Variants in COL8A1 observed in about 807,000 individuals in gnomAD.
COL8A1 encodes the protein collagen type VIII alpha 1 chain, also known as collagen alpha-1(VIII) chain.
In COL8A1, 21 loss-of-function variants were observed where a neutral mutation model predicts 42.7. The observed-to-expected ratio is 0.49, with a 90% CI of 0.35 to 0.71. COL8A1 has a LOEUF of 0.71. COL8A1 is among the 30% of genes least tolerant of loss of function. The pLI is 0.01. For missense variants in COL8A1, 788 were observed against 962.4 expected (o/e 0.82, Z 2.40); for synonymous variants, 367 against 369.1 (o/e 0.99, Z 0.06).
chr3:99,738,822 C>T (rs571681076), intron 1 of COL8A1, among the ~76,000 whole-genome samples: 1 of 152,332 alleles, frequency 6.6e-6, no homozygotes, highest in Admixed American at 6.5e-5. Context: ...CCTCCCCCAG[C>T]CTCGCTGCTG....
intron 1 of COL8A1, among the ~76,000 whole-genome samples, chr3:99,701,366 A>G (rs1042071848): frequency 6.6e-6 from 1 of 152,220 alleles, no homozygotes; most frequent in Non-Finnish European, 1.5e-5. Context: ...GGGTGGTCAC[A>G]GTACAAACTT....
intron 2 of COL8A1, among the ~76,000 whole-genome samples, chr3:99,778,231 G>GACA (rs373706494): frequency 6.6e-6 from 1 of 152,104 alleles, no homozygotes; most frequent in African/African-American, 2.4e-5. Flanking sequence ...CATGATTAAA[G>GACA]ACAACAACAA....
intron 1 of COL8A1, among the ~76,000 whole-genome samples, chr3:99,722,187 A>G (rs1335258777): frequency 6.6e-6 from 1 of 152,144 alleles, no homozygotes; most frequent in African/African-American, 2.4e-5. Flanking sequence ...CAAAAGGCTC[A>G]TTTTGTTACC....
chr3:99,727,694 A>G (rs1940376079), intron 1 of COL8A1, among the ~76,000 whole-genome samples: 1 of 152,066 alleles, frequency 6.6e-6, no homozygotes, highest in Non-Finnish European at 1.5e-5. Context: ...ACAAAAAAAG[A>G]GAATTTTAGA....
intron 2 of COL8A1, among the ~76,000 whole-genome samples, chr3:99,789,218 C>T (rs754794222): frequency 5.3e-5 from 8 of 152,094 alleles, no homozygotes; most frequent in African/African-American, 9.7e-5. Context: ...GCAAAATCAA[C>T]GCACATTTTC....
intron 1 of COL8A1, among the ~76,000 whole-genome samples, chr3:99,683,413 G>A (rs1471104020): frequency 6.6e-6 from 1 of 152,068 alleles, no homozygotes; most frequent in Non-Finnish European, 1.5e-5. Flanking sequence ...ATATAAACTG[G>A]AACTTATTTC....
At chr3:99,752,561 G>C (rs1365696580) in intron 2 of COL8A1, among the ~76,000 whole-genome samples, 3 of 151,968 alleles carry the variant, frequency 2.0e-5, no homozygotes, top group African/African-American at 7.3e-5. Context: ...CAGCTCCAAA[G>C]TTTTTTCCTC....
intron 1 of COL8A1, among the ~76,000 whole-genome samples, chr3:99,663,182 A>G (rs1038881563): frequency 1.3e-5 from 2 of 152,168 alleles, no homozygotes; most frequent in African/African-American, 4.8e-5. Context: ...GTTTTTTGAG[A>G]GGTGAGGTCT....
At chr3:99,775,639 G>C (rs1249142038) in intron 2 of COL8A1, among the ~76,000 whole-genome samples, 1 of 152,152 alleles carries the variant, frequency 6.6e-6, no homozygotes, top group Non-Finnish European at 1.5e-5. Flanking sequence ...TTTGTGATGA[G>C]GCTAGGCTTC....
Position 99,790,731 on chromosome 3 carries a change from A to G in COL8A1, c.49A>G (p.Ile17Val). ...GCAGCTGCTGGGAGTGCTGCTTACC[A>G]TTTCCCTGAGTTCCATCAGGCTCAT... Reference protein sequence around the residue: ...PLQLLGVLLTISLSSIRLIQA... With the variant: ...PLQLLGVLLTVSLSSIRLIQA... Residue 17 changes from isoleucine to valine, a missense_variant, in exon 3 of 4, where the codon ATT becomes GTT. Around this residue, in one of 4 missense-constraint regions of COL8A1, gnomAD observed 421 missense variants for 553.1 expected, o/e 0.76. Transcript: ENST00000652472. The G allele has an allele frequency of 3.1e-6, 5 of 1,614,072 alleles. No homozygotes were observed. In the South Asian group the frequency reaches 5.5e-5, roughly 18 times the overall value.
chr3:99,778,399 T>G (rs1218751935), intron 2 of COL8A1, among the ~76,000 whole-genome samples: 8 of 152,192 alleles, frequency 5.3e-5, no homozygotes, highest in Admixed American at 2.0e-4. Flanking sequence ...CAGAGCTTTT[T>G]CCTTGCAATG....
At chr3:99,769,269 C>T (rs968505820) in intron 2 of COL8A1, among the ~76,000 whole-genome samples, 6 of 152,234 alleles carry the variant, frequency 3.9e-5, no homozygotes, top group African/African-American at 1.4e-4. Context: ...AAATGTCAGT[C>T]CTTATCCTAT....
chr3:99,794,366 A>T lies in COL8A1; in HGVS notation c.465A>T (p.Pro155=), dbSNP rs1489414303. ...GAAAACCAGGGCCACAGGGATATCC[A>T]GGAGTTGGAAAGCCAGGTATGCCTG... ...IKGKPGPQGY[P]GVGKPGMPGM... Residue 155 remains proline (P), a synonymous_variant, in exon 4 of 4, where the codon CCA becomes CCT. Coordinates refer to ENST00000652472, the MANE Select transcript of COL8A1 (RefSeq NM_020351.4). The surrounding 1 kb of genome is among the most constrained non-coding windows in gnomAD (Gnocchi z 4.3). The T allele has an allele frequency of 1.4e-5, 23 of 1,613,902 alleles. No individual in the cohort carries two copies. The highest frequency in any genetic ancestry group is 5.0e-5 in the Admixed American group (3 of 59,988).
At chr3:99,781,628 T>C (rs1941795408) in intron 2 of COL8A1, among the ~76,000 whole-genome samples, 1 of 152,200 alleles carries the variant, frequency 6.6e-6, no homozygotes, top group Non-Finnish European at 1.5e-5. Context: ...CATCTCTCCC[T>C]TGCAAAAGGC....
At chr3:99,792,793 G>T (rs1433658143) in intron 3 of COL8A1, among the ~76,000 whole-genome samples, 1 of 152,146 alleles carries the variant, frequency 6.6e-6, no homozygotes, top group Non-Finnish European at 1.5e-5. Context: ...TTGTATATGA[G>T]AAATTATTTG....
At chr3:99,709,077 C>T (rs946860951) in intron 1 of COL8A1, among the ~76,000 whole-genome samples, 1 of 144,706 alleles carries the variant, frequency 6.9e-6, no homozygotes, top group Non-Finnish European at 1.5e-5. Context: ...GCCATCTTGG[C>T]CCTTTTTGCT....
Position 99,796,849 on chromosome 3 carries a change from G to A in COL8A1, c.*713G>A, listed in dbSNP as rs1004770825. 90 of 152,226 alleles carry A rather than the reference G, an allele frequency of 5.9e-4. No homozygotes were observed. The highest frequency in any genetic ancestry group is 2.1e-3 in the African/African-American group (88 of 41,456). The allele number at this position is 152,226 out of a possible 1,614,324, so 9.4% of individuals were successfully genotyped here. A position where few individuals can be genotyped will look rare whatever the true frequency, so the allele number is the denominator to read the frequency against. On this transcript the variant is annotated 3_prime_UTR_variant, in exon 4 of 4. Transcript: ENST00000652472. Reference sequence around the variant, plus strand: ...ACCAAGCACTGGGTAAGGCACTTTTGTGGAGCATTAGACAGTAACCCTCAA... The same window carrying A: ...ACCAAGCACTGGGTAAGGCACTTTTATGGAGCATTAGACAGTAACCCTCAA...
intron 1 of COL8A1, chr3:99,691,825 A>T (rs115632586): frequency 2.4e-4 from 37 of 152,060 alleles, no homozygotes; most frequent in Non-Finnish European, 4.0e-4. Flanking sequence ...AACAGAACCC[A>T]GATTTTGTTA....
intron 2 of COL8A1, among the ~76,000 whole-genome samples, chr3:99,754,843 C>A (rs977018271): frequency 6.6e-6 from 1 of 152,116 alleles, no homozygotes; most frequent in African/African-American, 2.4e-5. Flanking sequence ...CTCAATAGAC[C>A]AAACCAGAGT....
Sources: allele counts gnomAD v4.1 joint callset (sites outside exome capture counted in the v4.1 genomes callset), GRCh38; gene constraint gnomAD v4.1.1; regional missense constraint gnomAD v4.1.1; non-coding constraint Gnocchi (gnomAD v3.1); transcripts MANE v1.5; gene names NCBI Gene and HGNC (gene_info 2026-07-23, HGNC 2026-07-21).